The following XKR6 variants were observed in gnomAD, a reference collection of about 807,000 sequenced individuals.
XKR6 encodes the protein XK related 6, also known as XK-related protein 6.
XKR6 carries 22 observed loss-of-function variants against 56.7 expected under a neutral mutation model. The observed-to-expected ratio is 0.39, with a 90% CI of 0.28 to 0.55. The LOEUF is 0.55. Ranked by LOEUF, XKR6 falls within the 20% of genes least tolerant of loss-of-function variation. The pLI is 0.66. For missense variants in XKR6, 852 were observed against 889.0 expected, an observed-to-expected ratio of 0.96 and a Z score of 0.53; for synonymous variants, 524 against 387.8, an observed-to-expected ratio of 1.35 and a Z score of -4.13.
chr8:11,005,842 C>CTTTTTTTTTTTTTT (rs56880407), intron 1 of XKR6, among the ~76,000 whole-genome samples: 1 of 121,352 alleles, frequency 8.2e-6, no homozygotes, highest in Non-Finnish European at 1.7e-5. Flanking sequence ...TTCTTTCTTT[C>CTTTTTTTTTTTTTT]TTTTTTTTTT....
intron 1 of XKR6, among the ~76,000 whole-genome samples, chr8:11,052,958 C>T (rs1799592091): frequency 6.6e-6 from 1 of 152,210 alleles, no homozygotes; most frequent in African/African-American, 2.4e-5. Context: ...GCGTGTCTGG[C>T]ATGTTTGGTC....
intron 2 of XKR6, among the ~76,000 whole-genome samples, chr8:10,916,129 C>A (rs1472429644): frequency 6.6e-6 from 1 of 152,234 alleles, no homozygotes; most frequent in Non-Finnish European, 1.5e-5. Context: ...GTCCACCAGG[C>A]AGCGTGGAGC....
At chr8:11,000,874 C>G (rs563991174) in intron 1 of XKR6, among the ~76,000 whole-genome samples, 1 of 152,260 alleles carries the variant, frequency 6.6e-6, no homozygotes, top group East Asian at 1.9e-4. Flanking sequence ...TCCACGAACA[C>G]TTTCTGGACA....
At position 11,200,291 on chromosome 8, in the gene XKR6, G is replaced by A. The variant is rs542740241; in HGVS notation, c.764+285C>T. On this transcript the variant is annotated intron_variant, in intron 1 of 2. Coordinates refer to ENST00000416569, the MANE Select transcript of XKR6 (RefSeq NM_173683.4). The surrounding 1 kb of genome is among the most constrained non-coding windows in gnomAD (Gnocchi z 6.4). ...GGGAAAAGGGACGCTTGGGAACGGA[G>A]CTCTGCAGAGGGGACGGGGAGGGCA... Among the ~76,000 whole-genome samples the A allele has an allele frequency of 6.6e-6, 1 of 152,236 alleles. No individual in the cohort carries two copies. Among genetic ancestry groups the A allele is most frequent in the Non-Finnish European group, 1.5e-5 (1 of 68,046 alleles).
intron 1 of XKR6, among the ~76,000 whole-genome samples, chr8:11,053,348 G>A (rs1799602428): frequency 6.6e-6 from 1 of 152,172 alleles, no homozygotes; most frequent in Admixed American, 6.5e-5. Flanking sequence ...ACCATCTCCC[G>A]TGAGCGGCCT....
chr8:11,087,534 T>C (rs1797929675), intron 1 of XKR6, among the ~76,000 whole-genome samples: 1 of 152,188 alleles, frequency 6.6e-6, no homozygotes, highest in South Asian at 2.1e-4. Context: ...TAAAGAGAGA[T>C]ATAGGAAGAG....
rs764395428 is a variant in XKR6, at chr8:11,201,041, G to C, written c.299C>G (p.Ala100Gly). The C allele has an allele frequency of 6.6e-6, 8 of 1,205,800 alleles. No homozygotes were observed. The highest frequency in any genetic ancestry group is 5.9e-4 in the Middle Eastern group (2 of 3,396). 74.7% of individuals were successfully genotyped at this position (1,205,800 alleles called of 1,614,324 possible). A position where few individuals can be genotyped will look rare whatever the true frequency, so the allele number is the denominator to read the frequency against. Reference protein sequence around the residue: ...GGDQPLQPPAAPGAGRQPPTP... With the variant: ...GGDQPLQPPAGPGAGRQPPTP... The stretch of plus-strand genomic sequence containing the variant: ...CGGGGGTTGGCGGCCGGCGCCGGGG[G>C]CCGCGGGAGGCTGCAGCGGCTGGTC... The change falls in exon 1 of 3, where the codon GCC (alanine) becomes GGC (glycine). Residue 100 changes from alanine to glycine, a missense_variant. Ala to Gly is a moderately conservative substitution (Grantham distance 60, BLOSUM62 0). Transcript: ENST00000416569.
chr8:11,173,869 TC>T (rs1802510842), intron 1 of XKR6, among the ~76,000 whole-genome samples: 2 of 152,054 alleles, frequency 1.3e-5, no homozygotes, highest in African/African-American at 4.8e-5. Context: ...TGCTCACAGA[TC>T]ACTTGGACAC....
At chr8:11,097,359 G>T (rs933941880) in intron 1 of XKR6, among the ~76,000 whole-genome samples, 1 of 152,060 alleles carries the variant, frequency 6.6e-6, no homozygotes, top group African/African-American at 2.4e-5. Flanking sequence ...TCCACGAGAA[G>T]TTAGAAAACT....
chr8:11,150,483 C>T (rs1362541995), intron 1 of XKR6, among the ~76,000 whole-genome samples: 1 of 152,166 alleles, frequency 6.6e-6, no homozygotes, highest in African/African-American at 2.4e-5. Flanking sequence ...CTGGAAACTT[C>T]TCTGATTCCA....
At chr8:10,954,812 G>C (rs1364224926) in intron 1 of XKR6, among the ~76,000 whole-genome samples, 2 of 95,208 alleles carry the variant, frequency 2.1e-5, no homozygotes, top group Non-Finnish European at 4.0e-5. Flanking sequence ...GGTCTATGAT[G>C]ATTTTGACTT....
At position 10,898,488 on chromosome 8, in the gene XKR6, T is replaced by C. The variant is rs1207529190; in HGVS notation, c.1390A>G (p.Arg464Gly). ...TAGGAGTCAGTGGTCTCCGGGTCTC[T>C]GTAAAAATACCAAAGGAACGTCAAG... is the stretch of plus-strand genomic sequence containing the variant. ...AALTFLWYFY[R>G]DPETTDSYAV... The change falls in exon 3 of 3, where the codon AGA (arginine) becomes GGA (glycine). Residue 464 changes from arginine (R) to glycine (G), a missense_variant. Transcript: ENST00000416569. This position sits in a 1 kb window ranked among gnomAD's most constrained non-coding sequence, Gnocchi z 6.6. 6.2e-7 allele frequency: 1 copy of C among 1,613,962 alleles called. No homozygotes were observed. The highest frequency in any genetic ancestry group is 8.5e-7 in the Non-Finnish European group (1 of 1,180,008).
At chr8:11,099,579 A>G (rs1359213518) in intron 1 of XKR6, among the ~76,000 whole-genome samples, 1 of 152,204 alleles carries the variant, frequency 6.6e-6, no homozygotes, top group African/African-American at 2.4e-5. Flanking sequence ...TTACTTCTAA[A>G]TCCACATTCT....
At chr8:11,010,699 T>A (rs1021470251) in intron 1 of XKR6, among the ~76,000 whole-genome samples, 1 of 152,218 alleles carries the variant, frequency 6.6e-6, no homozygotes, top group Non-Finnish European at 1.5e-5. Flanking sequence ...TTTCCCCCAG[T>A]TCCAAGATTC....
intron 1 of XKR6, among the ~76,000 whole-genome samples, chr8:11,101,366 G>GT (rs1798475444): frequency 6.6e-6 from 1 of 152,222 alleles, no homozygotes; most frequent in South Asian, 2.1e-4. Flanking sequence ...AACGTACACT[G>GT]TACACGGCTG....
intron 1 of XKR6, among the ~76,000 whole-genome samples, chr8:10,949,522 C>T (rs1022313886): frequency 7.2e-5 from 11 of 152,234 alleles, no homozygotes; most frequent in Admixed American, 6.5e-5. Flanking sequence ...GTTCCTAGAA[C>T]AGTCACCTGA....
intron 1 of XKR6, among the ~76,000 whole-genome samples, chr8:11,040,563 G>A (rs1563098461): frequency 6.6e-6 from 1 of 152,028 alleles, no homozygotes. Context: ...CAGCCTGGGA[G>A]GCTTACAAAC....
In XKR6 at chr8:11,201,371, G is replaced by C. The variant is rs774926907; in HGVS notation, c.-32C>G. The C allele has an allele frequency of 1.4e-6, 2 of 1,415,206 alleles. No individual in the cohort carries two copies. Among genetic ancestry groups the C allele is most frequent in the African/African-American group, 1.6e-5 (1 of 62,542 alleles). 87.7% of individuals were successfully genotyped at this position (1,415,206 alleles called of 1,614,324 possible). On this transcript the variant is annotated 5_prime_UTR_variant, in exon 1 of 3. Coordinates refer to ENST00000416569, the MANE Select transcript of XKR6 (RefSeq NM_173683.4). ...TCTCTTCCCAGCTCCGGAGGTTGGG[G>C]GGGAGGGACGGCGGGGGGGGGGGGA...
chr8:11,031,802 G>A (rs139981047), intron 1 of XKR6, among the ~76,000 whole-genome samples: 44 of 152,302 alleles, frequency 2.9e-4, no homozygotes, highest in African/African-American at 9.6e-4. Flanking sequence ...ACATGGCCCT[G>A]CCTGTATCTT....
Sources: gnomAD v4.1 joint callset for allele counts (sites outside exome capture counted in the v4.1 genomes callset) on GRCh38, gnomAD v4.1.1 for gene constraint, Gnocchi (gnomAD v3.1) non-coding constraint, MANE v1.5 for transcripts, NCBI Gene and HGNC (gene_info 2026-07-23, HGNC 2026-07-21) for gene names.